The following IGLL5 variants were observed in gnomAD, a reference collection of about 807,000 sequenced individuals.
IGLL5 encodes immunoglobulin lambda like polypeptide 5, also known as immunoglobulin lambda-like polypeptide 5.
In IGLL5, 30 loss-of-function variants were observed where a neutral mutation model predicts 20.9. The observed-to-expected ratio is 1.44, with a 90% CI of 1.07 to 1.95. IGLL5 has a LOEUF of 1.95. Among genes scored for constraint, IGLL5 ranks in the 30% most tolerant of loss-of-function variants. IGLL5 has a pLI of 0.00. For missense variants in IGLL5, 475 were observed against 270.7 expected (o/e 1.75, Z -5.30); for synonymous variants, 203 against 117.3 (o/e 1.73, Z -4.72).
intron 1 of IGLL5, among the ~76,000 whole-genome samples, chr22:22,890,377 A>G (rs2067795075): frequency 6.7e-6 from 1 of 149,576 alleles, no homozygotes; most frequent in Admixed American, 6.8e-5. Flanking sequence ...TGCAAAAGTA[A>G]GAGCCATATT....
chr22:22,889,945 T>C (rs532718622), intron 1 of IGLL5, among the ~76,000 whole-genome samples: 1 of 151,178 alleles, frequency 6.6e-6, no homozygotes, highest in Non-Finnish European at 1.5e-5. Context: ...TGTCAGAAAA[T>C]ATAGAAAAAT....
chr22:22,888,751 A>T (rs138918935), intron 1 of IGLL5, among the ~76,000 whole-genome samples: 5 of 151,254 alleles, frequency 3.3e-5, no homozygotes, highest in South Asian at 2.1e-4. Context: ...ACTTGCACAT[A>T]AATGCTTACT....
intron 1 of IGLL5, among the ~76,000 whole-genome samples, chr22:22,889,298 A>C (rs1473720399): frequency 1.3e-5 from 2 of 151,082 alleles, no homozygotes; most frequent in South Asian, 2.1e-4. Context: ...AGTTGAAGTG[A>C]GGGCTGAGCA....
rs184692427 is a variant in IGLL5, at chr22:22,888,501, A to G, written c.206+242A>G. Among the ~76,000 whole-genome samples, 10 of 151,284 alleles carry G rather than the reference A, an allele frequency of 6.6e-5. 1 individual carries two copies. Among genetic ancestry groups the G allele is most frequent in the East Asian group, 2.0e-4 (1 of 4,940 alleles). Reference sequence around the variant, plus strand: ...TTCTGAGTTTTCTGGCGCCACTTAAATTTTCACCAGGGTCAGTGCCTCAAT... The same window carrying G: ...TTCTGAGTTTTCTGGCGCCACTTAAGTTTTCACCAGGGTCAGTGCCTCAAT... On this transcript the variant is annotated intron_variant, in intron 1 of 2. Transcript: ENST00000526893.
chr22:22,888,553 G>A (rs1601602011), intron 1 of IGLL5, among the ~76,000 whole-genome samples: 8 of 151,406 alleles, frequency 5.3e-5, no homozygotes, highest in East Asian at 4.0e-4. Context: ...TCTGGGTAGG[G>A]AAGGAACAGA....
intron 2 of IGLL5, among the ~76,000 whole-genome samples, chr22:22,894,118 G>A (rs2067984552): frequency 1.3e-5 from 2 of 151,558 alleles, no homozygotes; most frequent in Admixed American, 6.6e-5. Flanking sequence ...TGGTTCTGAT[G>A]AGGGGCCCTG....
chr22:22,888,561 A>C (rs545610244), intron 1 of IGLL5, among the ~76,000 whole-genome samples: 5 of 151,418 alleles, frequency 3.3e-5, no homozygotes, highest in South Asian at 2.1e-4. Context: ...GGGAAGGAAC[A>C]GAGGCAGGGA....
At chr22:22,894,182 C>T (rs536506741) in intron 2 of IGLL5, among the ~76,000 whole-genome samples, 7 of 151,400 alleles carry the variant, frequency 4.6e-5, no homozygotes, top group South Asian at 2.1e-4. Context: ...ACAGAGGCTG[C>T]TGGGGTGGGC....
At chr22:22,894,599 A>T (rs149836499) in intron 2 of IGLL5, among the ~76,000 whole-genome samples, 1 of 151,336 alleles carries the variant, frequency 6.6e-6, no homozygotes, top group Non-Finnish European at 1.5e-5. Context: ...GGAAATGACC[A>T]GAGGGGAGTG....
At chr22:22,889,745 A>G (rs2067749274) in intron 1 of IGLL5, among the ~76,000 whole-genome samples, 1 of 151,220 alleles carries the variant, frequency 6.6e-6, no homozygotes, top group Non-Finnish European at 1.5e-5. Flanking sequence ...AGGCCACTAC[A>G]CCTGGCTAAT....
Position 22,887,990 on chromosome 22 carries a change from G to C in IGLL5, c.-64G>C. On this transcript the variant is annotated 5_prime_UTR_variant, in exon 1 of 3. Transcript: ENST00000526893. ...AGCCCTGCTGGCGAGAGGGACCAGG[G>C]CACCGTCCTCCAGGGAGCCCATGCT... 1.5e-6 allele frequency: 2 copies of C among 1,319,310 alleles called. No individual in the cohort carries two copies. The highest frequency in any genetic ancestry group is 1.1e-6 in the Non-Finnish European group (1 of 937,424). 81.7% of individuals were successfully genotyped at this position (1,319,310 alleles called of 1,614,324 possible).
chr22:22,888,391 T>G (rs2067590721), intron 1 of IGLL5, 132 bp downstream of exon 1: 14 of 703,778 alleles, frequency 2.0e-5, no homozygotes, highest in East Asian at 1.1e-4. Flanking sequence ...GACACTGGCT[T>G]TAGTAATGGG....
At chr22:22,894,207 G>A (rs1601624544) in intron 2 of IGLL5, among the ~76,000 whole-genome samples, 5 of 151,438 alleles carry the variant, frequency 3.3e-5, no homozygotes, top group East Asian at 2.0e-4. Context: ...GAGCTGCTGA[G>A]TCTCATAGTC....
chr22:22,894,537 T>C (rs2066665329), intron 2 of IGLL5, among the ~76,000 whole-genome samples: 3 of 151,480 alleles, frequency 2.0e-5, no homozygotes, highest in South Asian at 4.2e-4. Context: ...GCCCAGTGTC[T>C]CTCTGTTCAC....
At chr22:22,890,487 G>A (rs541618801) in intron 1 of IGLL5, among the ~76,000 whole-genome samples, 1 of 145,162 alleles carries the variant, frequency 6.9e-6, no homozygotes, top group East Asian at 2.3e-4. Context: ...TATAAGCAAA[G>A]TTTAGATGAG....
Position 22,894,047 on chromosome 22 carries a change from T to C in IGLL5, c.325+229T>C, listed in dbSNP as rs1487414657. On this transcript the variant is annotated intron_variant, in intron 2 of 2. Coordinates refer to ENST00000526893, the MANE Select transcript of IGLL5 (RefSeq NM_001178126.2). ...CCTGGTCCCGGGGCCTGAGCTGGGATTGGGCAGGGTCAGGGCTCCTCCTCT... is the reference window on the plus strand; with the variant it reads ...CCTGGTCCCGGGGCCTGAGCTGGGACTGGGCAGGGTCAGGGCTCCTCCTCT... Among the ~76,000 whole-genome samples the C allele has an allele frequency of 3.3e-5, 5 of 151,344 alleles. 1 individual carries two copies. Among genetic ancestry groups the C allele is most frequent in the East Asian group, 4.0e-4 (2 of 4,962 alleles).
chr22:22,894,035 C>A (rs964313764), intron 2 of IGLL5, among the ~76,000 whole-genome samples: 1 of 150,390 alleles, frequency 6.6e-6, no homozygotes, highest in African/African-American at 2.5e-5. Context: ...GGTCCCGGGG[C>A]CTGAGCTGGG....
intron 1 of IGLL5, among the ~76,000 whole-genome samples, chr22:22,890,541 T>A (rs2146008283): frequency 7.7e-6 from 1 of 129,138 alleles, no homozygotes; most frequent in African/African-American, 2.9e-5. Flanking sequence ...CAAATGATGC[T>A]GCAGTGGAAA....
rs1321469030 is a variant in IGLL5 at position 22,894,328 on chromosome 22, C to T, written c.325+510C>T. Among the ~76,000 whole-genome samples, 6 of 151,358 alleles carry T rather than the reference C, an allele frequency of 4.0e-5. 1 individual carries two copies. The highest frequency in any genetic ancestry group is 2.1e-4 in the South Asian group (1 of 4,750). On this transcript the variant is annotated intron_variant, in intron 2 of 2. Coordinates refer to ENST00000526893, the MANE Select transcript of IGLL5 (RefSeq NM_001178126.2). Reference sequence around the variant, plus strand: ...CACAGAGGTCACCCCAAGGGGAGACCAATGGAGGGCACAGAGAGGGCTCTG... The same window carrying T: ...CACAGAGGTCACCCCAAGGGGAGACTAATGGAGGGCACAGAGAGGGCTCTG...
Sources: allele counts gnomAD v4.1 joint callset (sites outside exome capture counted in the v4.1 genomes callset), GRCh38; gene constraint gnomAD v4.1.1; transcripts MANE v1.5; gene names NCBI Gene and HGNC (gene_info 2026-07-23, HGNC 2026-07-21).